Variants in RNF111 observed in about 807,000 individuals in gnomAD.
RNF111 encodes the protein ring finger protein 111.
Under a neutral mutation model 95.1 loss-of-function variants are expected in RNF111, and 17 were observed. That is an observed-to-expected ratio of 0.18 (90% CI 0.12 to 0.27). The LOEUF is 0.27. Ranked by LOEUF, RNF111 falls within the 10% of genes least tolerant of loss-of-function variation. The pLI, the probability that RNF111 is intolerant of heterozygous loss-of-function variation, is 1.00. For synonymous variants in RNF111, 440 were observed against 414.8 expected, an observed-to-expected ratio of 1.06 and a Z score of -0.74; for missense variants, 1,189 against 1,210.4, an observed-to-expected ratio of 0.98 and a Z score of 0.26.
chr15:59,061,173 A>C (rs1186721911), intron 5 of RNF111, among the ~76,000 whole-genome samples: 12 of 152,168 alleles, frequency 7.9e-5, no homozygotes, highest in African/African-American at 2.9e-4. Flanking sequence ...AAAAACTTTT[A>C]TATATAAATC....
chr15:59,092,500 C>T, intron 12 of RNF111, 37 bp from the exon 13 acceptor site: 1 of 1,582,222 alleles, frequency 6.3e-7, no homozygotes, highest in Non-Finnish European at 8.6e-7. Flanking sequence ...ATAATGTCAT[C>T]TCTACTAATA....
chr15:59,083,600 A>G (rs1249078776), intron 8 of RNF111, among the ~76,000 whole-genome samples: 1 of 152,002 alleles, frequency 6.6e-6, no homozygotes, highest in Non-Finnish European at 1.5e-5. Flanking sequence ...CTTGTATTAC[A>G]TGTGTTTTGA....
intron 1 of RNF111, among the ~76,000 whole-genome samples, chr15:58,995,463 TTG>T (rs1337787835): frequency 1.1e-5 from 1 of 90,760 alleles, no homozygotes; most frequent in Non-Finnish European, 3.0e-5. Flanking sequence ...ACATAACCTC[TTG>T]TTTTTTTTTT....
chr15:59,090,315 C>T (rs975534981), intron 11 of RNF111, among the ~76,000 whole-genome samples: 5 of 152,102 alleles, frequency 3.3e-5, no homozygotes, highest in Admixed American at 1.3e-4. Context: ...CTGCAACCTG[C>T]GCCTCCTGGG....
Position 59,031,090 on chromosome 15 carries a change from G to C in RNF111, c.268G>C (p.Val90Leu), listed in dbSNP as rs776461113. Reference protein sequence around the residue: ...GNQQEQEKSLVVRKKRKSQQA... With the variant: ...GNQQEQEKSLLVRKKRKSQQA... ...CCAGCAAGAACAAGAAAAAAGTCTC[G>C]TTGTGAGGAAAAAACGCAAAAGCCA... The change falls in exon 2 of 14, where the codon GTT (valine) becomes CTT (leucine). Residue 90 changes from valine (V) to leucine (L), a missense_variant. By Grantham distance (32) the Val-to-Leu change is conservative (BLOSUM62 1). Transcript: ENST00000348370. 6.4e-5 allele frequency: 104 copies of C among 1,614,058 alleles called. No individual in the cohort carries two copies. Among genetic ancestry groups the C allele is most frequent in the Admixed American group, 1.2e-4 (7 of 59,998 alleles).
chr15:59,073,109 GCT>G (rs1278094369), intron 6 of RNF111, among the ~76,000 whole-genome samples: 1 of 152,032 alleles, frequency 6.6e-6, no homozygotes, highest in African/African-American at 2.4e-5. Context: ...GTAGGTGGAG[GCT>G]GCAGTGAGCC....
chr15:59,000,191 T>C (rs2039262855), intron 1 of RNF111, among the ~76,000 whole-genome samples: 1 of 142,382 alleles, frequency 7.0e-6, no homozygotes, highest in African/African-American at 2.6e-5. Context: ...TGAGACAGGG[T>C]CTCTCTCTGT....
intron 1 of RNF111, among the ~76,000 whole-genome samples, chr15:59,009,660 G>T (rs1309596558): frequency 6.6e-6 from 1 of 151,870 alleles, no homozygotes; most frequent in Non-Finnish European, 1.5e-5. Context: ...TTGACTCAAG[G>T]AAATTATTCA....
chr15:58,988,366 C>T (rs1486830728), intron 1 of RNF111: 1 of 152,418 alleles, frequency 6.6e-6, no homozygotes, highest in African/African-American at 2.4e-5. Flanking sequence ...GGGCTGAGGA[C>T]CGAGGCGTGG....
intron 13 of RNF111, among the ~76,000 whole-genome samples, chr15:59,093,200 C>T (rs35460138): frequency 0.31 from 46,557 of 151,920 alleles, 7,281 homozygotes; most frequent in East Asian, 0.45. Flanking sequence ...AGGGAAATTT[C>T]GTAGTCAAAA....
At chr15:59,027,229 TCTC>T (rs1279245153) in intron 1 of RNF111, among the ~76,000 whole-genome samples, 2 of 152,106 alleles carry the variant, frequency 1.3e-5, no homozygotes, top group African/African-American at 4.8e-5. Flanking sequence ...GACTCCAAGA[TCTC>T]CTCCTCTGAA....
chr15:59,080,619 A>G (rs1171975631), intron 7 of RNF111, among the ~76,000 whole-genome samples: 1 of 152,122 alleles, frequency 6.6e-6, no homozygotes, highest in African/African-American at 2.4e-5. Flanking sequence ...GAGCATATAC[A>G]CAGATATTTA....
chr15:59,091,558 A>G (rs1175492508), intron 12 of RNF111, among the ~76,000 whole-genome samples: 1 of 152,202 alleles, frequency 6.6e-6, no homozygotes, highest in Non-Finnish European at 1.5e-5. Context: ...GAATTCCATC[A>G]TATGGCAGTA....
Position 59,067,081 on chromosome 15 carries a change from C to G in RNF111, c.1684C>G (p.Gln562Glu). The G allele has an allele frequency of 1.9e-6, 3 of 1,613,106 alleles. No individual in the cohort carries two copies. The highest frequency in any genetic ancestry group is 1.1e-5 in the South Asian group (1 of 91,002). The stretch of plus-strand genomic sequence containing the variant: ...TAGTTCTGGTACCAGCTATCATGAA[C>G]AGGTATGTGGAATTTGAGTCAGTCT... ...NSSSGTSYHE[Q>E]QALPVDLSNS... is the part of the protein sequence containing the mutation. Residue 562 changes from glutamine (Q) to glutamate (E), a missense_variant and splice_region_variant, in exon 6 of 14, where the codon CAG (glutamine) becomes GAG (glutamate). This residue lies in a region of RNF111 where 1,024 missense variants were observed against 925.9 expected (regional missense o/e 1.11). Coordinates refer to ENST00000348370, the MANE Select transcript of RNF111 (RefSeq NM_017610.8).
At chr15:59,002,417 T>G (rs1256132320) in intron 1 of RNF111, among the ~76,000 whole-genome samples, 1 of 152,192 alleles carries the variant, frequency 6.6e-6, no homozygotes, top group African/African-American at 2.4e-5. Flanking sequence ...AGAACATTCT[T>G]ATGTGAGGGA....
chr15:59,083,139 C>T (rs143685164), intron 8 of RNF111, among the ~76,000 whole-genome samples: 217 of 127,556 alleles, frequency 1.7e-3, no homozygotes, highest in African/African-American at 6.8e-3. Context: ...AAGATTCTGC[C>T]GCTTAAAAAA....
chr15:58,999,801 A>C (rs1324605978), intron 1 of RNF111, among the ~76,000 whole-genome samples: 1 of 152,204 alleles, frequency 6.6e-6, no homozygotes, highest in Non-Finnish European at 1.5e-5. Flanking sequence ...TTTTATAGGA[A>C]GCGTGGCAGC....
Position 59,091,119 on chromosome 15 carries a change from A to G in RNF111, c.2704A>G (p.Ile902Val). ...NVNRGASQGT[I>V]ERCTYPHKYK... ...CAATCGTGGAGCATCCCAGGGGACA[A>G]TTGAAAGATGTACATATCCACATAA... Residue 902 changes from isoleucine to valine, a missense_variant, in exon 12 of 14, where the codon ATT (isoleucine) becomes GTT (valine). By Grantham distance (29) the Ile-to-Val change is conservative. Coordinates refer to ENST00000348370, the MANE Select transcript of RNF111 (RefSeq NM_017610.8). The G allele has an allele frequency of 1.9e-6, 3 of 1,609,056 alleles. No homozygotes were observed. The highest frequency in any genetic ancestry group is 2.6e-6 in the Non-Finnish European group (3 of 1,176,080).
intron 7 of RNF111, among the ~76,000 whole-genome samples, chr15:59,078,858 CAAA>C (rs2078651186): frequency 8.2e-6 from 1 of 121,666 alleles, no homozygotes; most frequent in Non-Finnish European, 1.7e-5. Flanking sequence ...GTCTCCCTCT[CAAA>C]AGAAGAAAAA....
Sources: allele counts gnomAD v4.1 joint callset (sites outside exome capture counted in the v4.1 genomes callset), GRCh38; gene constraint gnomAD v4.1.1; regional missense constraint gnomAD v4.1.1; transcripts MANE v1.5; gene names NCBI Gene and HGNC (gene_info 2026-07-23, HGNC 2026-07-21).